IQGAP1: variants seen among roughly 807,000 people sequenced by gnomAD.
IQGAP1 encodes IQ motif containing GTPase activating protein 1.
A neutral mutation model predicts 215.6 loss-of-function variants in IQGAP1; 66 were observed. That is an observed-to-expected ratio of 0.31 (90% confidence interval 0.25 to 0.38). The LOEUF (loss-of-function observed/expected upper bound fraction) is 0.38. IQGAP1 is among the 10% of genes least tolerant of loss of function. IQGAP1 has a pLI of 1.00. For synonymous variants in IQGAP1, 772 were observed against 728.7 expected, an observed-to-expected ratio of 1.06 and a Z score of -0.96; for missense variants, 1,712 against 1,997.1, an observed-to-expected ratio of 0.86 and a Z score of 2.72.
chr15:90,471,837 G>GAAA (rs374705456), intron 18 of IQGAP1, among the ~76,000 whole-genome samples: 271 of 145,134 alleles, frequency 1.9e-3, no homozygotes, highest in African/African-American at 5.9e-3. Flanking sequence ...GTGTTGCCCA[G>GAAA]AAAAAAAAAA....
At chr15:90,447,001 G>A (rs1443542429) in intron 9 of IQGAP1, among the ~76,000 whole-genome samples, 1 of 152,120 alleles carries the variant, frequency 6.6e-6, no homozygotes, top group African/African-American at 2.4e-5. Context: ...GATAATCTAA[G>A]ACTCTATGCT....
Position 90,407,370 on chromosome 15 carries a change from C to T in IQGAP1, c.155+16497C>T, listed in dbSNP as rs59991140. On this transcript the variant is annotated intron_variant, in intron 2 of 37. Transcript: ENST00000268182. ...CTTTCATCTAGTTTAGGAATTCAGTCAACTGTTATATTAACATTTTACCTA... is the reference window on the plus strand; with the variant it reads ...CTTTCATCTAGTTTAGGAATTCAGTTAACTGTTATATTAACATTTTACCTA... Among the ~76,000 whole-genome samples, 811 of 152,154 alleles carry T rather than the reference C, an allele frequency of 5.3e-3. 10 individuals are homozygous for T. The highest frequency in any genetic ancestry group is 0.019 in the African/African-American group (794 of 41,522).
intron 2 of IQGAP1, among the ~76,000 whole-genome samples, chr15:90,425,369 A>G (rs1168459378): frequency 6.6e-6 from 1 of 152,180 alleles, no homozygotes; most frequent in African/African-American, 2.4e-5. Flanking sequence ...TTAGTTACCT[A>G]TGTTTCCGTT....
chr15:90,394,151 A>C (rs1438719402), intron 2 of IQGAP1, among the ~76,000 whole-genome samples: 1 of 142,536 alleles, frequency 7.0e-6, no homozygotes. Flanking sequence ...AAAAAAAAAA[A>C]AAAAAAGGCA....
intron 31 of IQGAP1, 41 bp from the exon 32 acceptor site, chr15:90,486,913 T>A (rs1157399843): frequency 6.3e-7 from 1 of 1,589,776 alleles, no homozygotes; most frequent in Non-Finnish European, 8.6e-7. Context: ...ATATCTCCTC[T>A]CTTTATTACG....
At chr15:90,456,950 A>ATAC (rs60463627) in intron 15 of IQGAP1, among the ~76,000 whole-genome samples, 2 of 143,768 alleles carry the variant, frequency 1.4e-5, no homozygotes, top group African/African-American at 2.6e-5. Flanking sequence ...GTATATATAT[A>ATAC]ATATACGTAT....
At chr15:90,480,946 G>A (rs571060120) in intron 26 of IQGAP1, among the ~76,000 whole-genome samples, 11 of 152,302 alleles carry the variant, frequency 7.2e-5, no homozygotes, top group African/African-American at 2.6e-4. Flanking sequence ...AGGATGACAG[G>A]CGTGAGCCAC....
intron 2 of IQGAP1, 150 bp from the exon 3 acceptor site, chr15:90,425,960 G>C: frequency 1.5e-6 from 1 of 658,936 alleles, no homozygotes. Context: ...GGGCCAGGCA[G>C]GGAAAGGATG....
chr15:90,480,330 G>T (rs1339028747), intron 26 of IQGAP1, among the ~76,000 whole-genome samples: 5 of 151,976 alleles, frequency 3.3e-5, no homozygotes, highest in African/African-American at 9.7e-5. Flanking sequence ...AGCATCACAG[G>T]TCCCTTAGCT....
chr15:90,498,032 A>C lies in IQGAP1; in HGVS notation c.4860+692A>C, dbSNP rs147144927. On this transcript the variant is annotated intron_variant, in intron 37 of 37. Transcript: ENST00000268182. ...TCAATGTACATTTGGGCTTCTGCTC[A>C]TGCTGCCCTCCCTCCCCTCCCCTGC... is the stretch of plus-strand genomic sequence containing the variant. 4.3e-3 allele frequency among the ~76,000 whole-genome samples: 658 copies of C among 151,824 alleles called. 3 individuals are homozygous for C. The highest frequency in any genetic ancestry group is 0.02 in the Middle Eastern group (6 of 294).
intron 2 of IQGAP1, among the ~76,000 whole-genome samples, chr15:90,420,931 T>C (rs559525483): frequency 6.6e-6 from 1 of 152,066 alleles, no homozygotes; most frequent in Admixed American, 6.6e-5. Flanking sequence ...GGTGGGCGGA[T>C]CACTTGAGGT....
chr15:90,472,723 C>CTAGTA, intron 18 of IQGAP1, 117 bp from the exon 19 acceptor site: 1 of 901,388 alleles, frequency 1.1e-6, no homozygotes, highest in Non-Finnish European at 1.7e-6. Flanking sequence ...AGCTAATGAT[C>CTAGTA]TAGTATAGAC....
chr15:90,423,341 C>T (rs1008993055), intron 2 of IQGAP1, among the ~76,000 whole-genome samples: 6 of 152,134 alleles, frequency 3.9e-5, no homozygotes, highest in Admixed American at 2.6e-4. Flanking sequence ...TAAAGTGATC[C>T]TCCTGTCTTA....
At chr15:90,498,814 A>ATT (rs34853230) in intron 37 of IQGAP1, among the ~76,000 whole-genome samples, 33,044 of 139,732 alleles carry the variant, frequency 0.24, 5,304 homozygotes, top group African/African-American at 0.41. Flanking sequence ...CGCCCGGCTA[A>ATT]TTTTTTTTTT....
intron 13 of IQGAP1, among the ~76,000 whole-genome samples, chr15:90,454,069 G>T (rs530794551): frequency 2.1e-4 from 32 of 152,264 alleles, no homozygotes; most frequent in Non-Finnish European, 4.1e-4. Flanking sequence ...TAACCCAATT[G>T]ATAATCTTTC....
intron 2 of IQGAP1, among the ~76,000 whole-genome samples, chr15:90,408,586 G>A (rs1269725897): frequency 1.3e-5 from 2 of 152,148 alleles, no homozygotes; most frequent in Non-Finnish European, 2.9e-5. Flanking sequence ...GAGGAGAGGT[G>A]ACTTTTGAAG....
At chr15:90,492,738 C>A (rs1323261880) in intron 35 of IQGAP1, 27 bp downstream of exon 35, 3 of 1,585,084 alleles carry the variant, frequency 1.9e-6, no homozygotes, top group Non-Finnish European at 1.7e-6. Flanking sequence ...TTTAAAGAAT[C>A]AATGTCAGAA....
At chr15:90,484,718 C>G (rs2151036398) in intron 30 of IQGAP1, among the ~76,000 whole-genome samples, 1 of 152,202 alleles carries the variant, frequency 6.6e-6, no homozygotes. Flanking sequence ...ACTGTGTTAG[C>G]CAGCATGGTG....
At chr15:90,440,658 C>T in intron 7 of IQGAP1, 43 bp downstream of exon 7, 1 of 1,203,194 alleles carries the variant, frequency 8.3e-7, no homozygotes, top group Non-Finnish European at 1.2e-6. Flanking sequence ...GGATTGTTGC[C>T]ACTATTTCCA....
Sources: allele counts gnomAD v4.1 joint callset (sites outside exome capture counted in the v4.1 genomes callset), GRCh38; gene constraint gnomAD v4.1.1; transcripts MANE v1.5; gene names NCBI Gene and HGNC (gene_info 2026-07-23, HGNC 2026-07-21).